OPCML: variants seen among roughly 807,000 people sequenced by gnomAD.
OPCML encodes opioid binding protein/cell adhesion molecule like, also known as opioid-binding protein/cell adhesion molecule.
Under a neutral mutation model 37.8 loss-of-function variants are expected in OPCML, and 13 were observed. That is an observed-to-expected ratio of 0.34 (90% CI 0.22 to 0.55). The LOEUF (loss-of-function observed/expected upper bound fraction) is 0.55. OPCML is among the 20% of genes least tolerant of loss of function. The pLI is 0.91. For missense variants in OPCML, 341 were observed against 435.6 expected, an observed-to-expected ratio of 0.78 and a Z score of 1.93; for synonymous variants, 176 against 168.8, an observed-to-expected ratio of 1.04 and a Z score of -0.33.
intron 4 of OPCML, among the ~76,000 whole-genome samples, chr11:132,473,239 T>G (rs1320258045): frequency 1.3e-5 from 2 of 152,100 alleles, no homozygotes; most frequent in Non-Finnish European, 2.9e-5. Context: ...GAAAATAAAT[T>G]TGTGAATGTG....
At chr11:132,673,670 A>G (rs1942574729) in intron 2 of OPCML, among the ~76,000 whole-genome samples, 1 of 152,156 alleles carries the variant, frequency 6.6e-6, no homozygotes. Flanking sequence ...GTCATTGAGT[A>G]TTGGAAACTA....
intron 1 of OPCML, among the ~76,000 whole-genome samples, chr11:133,496,597 C>G (rs1947792753): frequency 6.6e-6 from 1 of 152,022 alleles, no homozygotes; most frequent in Admixed American, 6.6e-5. Context: ...TGTAGTTTTC[C>G]TTGTAGAAGT....
At chr11:132,572,518 C>G (rs1565675631) in intron 3 of OPCML, among the ~76,000 whole-genome samples, 1 of 152,062 alleles carries the variant, frequency 6.6e-6, no homozygotes. Flanking sequence ...TGTCCTCTAT[C>G]CATGGTATAT....
intron 2 of OPCML, among the ~76,000 whole-genome samples, chr11:132,942,303 A>T (rs1235401865): frequency 1.3e-5 from 2 of 152,178 alleles, no homozygotes; most frequent in African/African-American, 4.8e-5. Context: ...TTTCACACAG[A>T]AGTGATGTTG....
At chr11:132,708,884 G>T (rs1159549740) in intron 2 of OPCML, among the ~76,000 whole-genome samples, 1 of 152,154 alleles carries the variant, frequency 6.6e-6, no homozygotes, top group Non-Finnish European at 1.5e-5. Context: ...TTAACAAAAT[G>T]ATTTCTTGTT....
At chr11:132,509,302 A>G (rs185941945) in intron 4 of OPCML, among the ~76,000 whole-genome samples, 1 of 152,336 alleles carries the variant, frequency 6.6e-6, no homozygotes, top group East Asian at 1.9e-4. Context: ...AAAGGGAAAC[A>G]GAGCATAAAT....
At chr11:133,477,558 GT>G (rs895466373) in intron 1 of OPCML, among the ~76,000 whole-genome samples, 10 of 151,906 alleles carry the variant, frequency 6.6e-5, no homozygotes, top group Non-Finnish European at 1.0e-4. Flanking sequence ...TTTGATGCGG[GT>G]TTTTTTTCTT....
intron 1 of OPCML, among the ~76,000 whole-genome samples, chr11:132,978,182 T>C (rs2136778846): frequency 6.6e-6 from 1 of 152,048 alleles, no homozygotes; most frequent in Non-Finnish European, 1.5e-5. Flanking sequence ...GAAACACAAG[T>C]AGTTGATGAC....
At chr11:132,657,680 G>C (rs758496060) in intron 2 of OPCML, among the ~76,000 whole-genome samples, 2 of 152,184 alleles carry the variant, frequency 1.3e-5, no homozygotes, top group Non-Finnish European at 2.9e-5. Context: ...GCACATGGGA[G>C]AGAGAGTGGA....
chr11:133,040,747 C>T (rs575820871), intron 1 of OPCML, among the ~76,000 whole-genome samples: 24 of 152,112 alleles, frequency 1.6e-4, no homozygotes, highest in East Asian at 3.9e-4. Context: ...TATGTGACTG[C>T]GTCTCTCTGT....
chr11:133,168,917 T>C (rs936769365), intron 1 of OPCML, among the ~76,000 whole-genome samples: 1 of 144,628 alleles, frequency 6.9e-6, no homozygotes, highest in African/African-American at 2.5e-5. Context: ...TCACCTGAGG[T>C]CAGGAGTTCA....
chr11:133,028,695 CA>C (rs553062920), intron 1 of OPCML, among the ~76,000 whole-genome samples: 1 of 151,178 alleles, frequency 6.6e-6, no homozygotes, highest in Non-Finnish European at 1.5e-5. Context: ...TCACCATATA[CA>C]AAAAAAATCA....
At chr11:132,435,735 C>A (rs1292017666) in intron 7 of OPCML, among the ~76,000 whole-genome samples, 1 of 152,106 alleles carries the variant, frequency 6.6e-6, no homozygotes, top group African/African-American at 2.4e-5. Flanking sequence ...CAAATATCAC[C>A]CCCAGAATCA....
chr11:133,002,626 G>C (rs747551406), intron 1 of OPCML, among the ~76,000 whole-genome samples: 12 of 152,136 alleles, frequency 7.9e-5, no homozygotes, highest in Admixed American at 4.6e-4. Flanking sequence ...AAATGGTACT[G>C]AAATATAAGA....
At chr11:133,008,650 A>T (rs751252533) in intron 1 of OPCML, among the ~76,000 whole-genome samples, 2 of 152,204 alleles carry the variant, frequency 1.3e-5, no homozygotes, top group Non-Finnish European at 2.9e-5. Context: ...GAGTGGAAGG[A>T]TCTGTCATCC....
At chr11:133,232,849 C>T (rs1940338080) in intron 1 of OPCML, among the ~76,000 whole-genome samples, 1 of 152,176 alleles carries the variant, frequency 6.6e-6, no homozygotes, top group Non-Finnish European at 1.5e-5. Context: ...TAATCAAATG[C>T]ATCATTAAAA....
chr11:133,237,131 A>C (rs1264097069), intron 1 of OPCML, among the ~76,000 whole-genome samples: 2 of 152,202 alleles, frequency 1.3e-5, no homozygotes, highest in Non-Finnish European at 2.9e-5. Flanking sequence ...ATGTTTCCAG[A>C]AGCGATCATT....
rs372339095 is a variant in OPCML at position 133,175,027 on chromosome 11, CTAAGAGGTTGAGGCTACAG to C, written c.62-232036_62-232018del. ...AGTGAGATGGGAGGATCACTTGAGC[CTAAGAGGTTGAGGCTACAG>C]TAAGCTACGATTATGCCCCTGCACG... On this transcript the variant is annotated intron_variant, in intron 1 of 7. Transcript: ENST00000524381. Among the ~76,000 whole-genome samples the C allele has an allele frequency of 9.5e-4, 144 of 152,296 alleles. 1 individual carries two copies. The highest frequency in any genetic ancestry group is 3.4e-3 in the Middle Eastern group (1 of 294).
At chr11:133,350,465 T>A (rs1944110189) in intron 1 of OPCML, among the ~76,000 whole-genome samples, 1 of 152,172 alleles carries the variant, frequency 6.6e-6, no homozygotes, top group Non-Finnish European at 1.5e-5. Context: ...AAGGTATTTG[T>A]AAAGAAATTA....
Sources: allele counts gnomAD v4.1 joint callset (sites outside exome capture counted in the v4.1 genomes callset), GRCh38; gene constraint gnomAD v4.1.1; transcripts MANE v1.5; gene names NCBI Gene and HGNC (gene_info 2026-07-23, HGNC 2026-07-21).